Variants in SEPTIN9 observed in about 807,000 individuals in gnomAD.
SEPTIN9 encodes septin-9.
Under a neutral mutation model 56.6 loss-of-function variants are expected in SEPTIN9, and 13 were observed. The observed-to-expected ratio is 0.23, with a 90% CI of 0.15 to 0.37. The LOEUF is 0.37. Among genes scored for constraint, SEPTIN9 ranks in the 10% least tolerant of loss-of-function variants. The probability of loss-of-function intolerance (pLI) is 1.00; values close to 1 mark genes in which losing one functional copy is unlikely to be tolerated. For synonymous variants in SEPTIN9, 332 were observed against 334.1 expected (o/e 0.99, Z 0.07); for missense variants, 650 against 823.1 (o/e 0.79, Z 2.57).
intron 3 of SEPTIN9, among the ~76,000 whole-genome samples, chr17:77,438,363 C>T (rs2037429721): frequency 6.6e-6 from 1 of 152,192 alleles, no homozygotes. Flanking sequence ...CCTTCATCTC[C>T]CTCCAGGACC....
At chr17:77,420,324 T>G (rs1015863220) in intron 3 of SEPTIN9, among the ~76,000 whole-genome samples, 4 of 152,302 alleles carry the variant, frequency 2.6e-5, no homozygotes, top group Non-Finnish European at 4.4e-5. Context: ...GAAGTTTGCC[T>G]CCTCGGAACA....
chr17:77,442,111 C>G (rs1378259691), intron 3 of SEPTIN9: 1 of 152,186 alleles, frequency 6.6e-6, no homozygotes, highest in East Asian at 1.9e-4. Flanking sequence ...GGGCCCGTGA[C>G]TGGTCCGAAG....
At chr17:77,438,120 A>C (rs566718030) in intron 3 of SEPTIN9, among the ~76,000 whole-genome samples, 13 of 152,278 alleles carry the variant, frequency 8.5e-5, no homozygotes, top group Admixed American at 3.3e-4. Context: ...AAAGGAGCTG[A>C]AGGTTTGGAG....
At chr17:77,293,304 C>T (rs2031656870) in intron 1 of SEPTIN9, among the ~76,000 whole-genome samples, 1 of 152,196 alleles carries the variant, frequency 6.6e-6, no homozygotes, top group Admixed American at 6.5e-5. Context: ...CAGGCATGTG[C>T]CATCACGCCT....
Position 77,358,489 on chromosome 17 carries a change from C to T in SEPTIN9, c.77-43570C>T, listed in dbSNP as rs182345770. On this transcript the variant is annotated intron_variant, in intron 2 of 11. Transcript: ENST00000427177. Reference sequence around the variant, plus strand: ...TACAAAAATTAGCCAGACATGGTGGCGTGCACCTGTAGTCCCAGCTACTCA... The same window carrying T: ...TACAAAAATTAGCCAGACATGGTGGTGTGCACCTGTAGTCCCAGCTACTCA... 1.5e-3 allele frequency among the ~76,000 whole-genome samples: 222 copies of T among 152,054 alleles called. 3 individuals carry two copies. The highest frequency in any genetic ancestry group is 1.1e-3 in the Non-Finnish European group (76 of 67,988).
In SEPTIN9 at chr17:77,305,912, G is replaced by T. The variant is rs1340945086; in HGVS notation, c.20-1229G>T. On this transcript the variant is annotated intron_variant, in intron 1 of 11. Coordinates refer to ENST00000427177, the MANE Select transcript of SEPTIN9 (RefSeq NM_001113491.2). ...GAAGGATGAGTGGGTGGGTGGGGGGGTGGGTGGGTGGGTGGATGGATGGAT... is the reference window on the plus strand; with the variant it reads ...GAAGGATGAGTGGGTGGGTGGGGGGTTGGGTGGGTGGGTGGATGGATGGAT... Among the ~76,000 whole-genome samples, 4 of 114,160 alleles carry T rather than the reference G, an allele frequency of 3.5e-5. No individual in the cohort carries two copies. In the East Asian group the frequency reaches 8.2e-4, roughly 23 times the overall value. The allele number at this position is 114,160 out of a possible 152,430, so 74.9% of individuals were successfully genotyped here. A position where few individuals can be genotyped will look rare whatever the true frequency, so the allele number is the denominator to read the frequency against.
chr17:77,498,010 C>T (rs1237885638), intron 11 of SEPTIN9, among the ~76,000 whole-genome samples: 4 of 152,096 alleles, frequency 2.6e-5, no homozygotes, highest in Non-Finnish European at 5.9e-5. Flanking sequence ...CCAGATTATT[C>T]CTCCTGAGCT....
At chr17:77,382,113 C>T (rs1450831709) in intron 2 of SEPTIN9, among the ~76,000 whole-genome samples, 5 of 152,052 alleles carry the variant, frequency 3.3e-5, no homozygotes, top group Admixed American at 6.5e-5. Flanking sequence ...CTGCATCCTC[C>T]GCCTCCTGGG....
At chr17:77,477,392 T>C (rs1396791150) in intron 3 of SEPTIN9, among the ~76,000 whole-genome samples, 1 of 152,228 alleles carries the variant, frequency 6.6e-6, no homozygotes, top group East Asian at 1.9e-4. Flanking sequence ...ACTAGAACCC[T>C]AAAAGATGTG....
chr17:77,448,091 G>A (rs1447747088), intron 3 of SEPTIN9, among the ~76,000 whole-genome samples: 1 of 152,208 alleles, frequency 6.6e-6, no homozygotes, highest in Non-Finnish European at 1.5e-5. Flanking sequence ...TGTAGACATG[G>A]TGCCGAGAAT....
intron 2 of SEPTIN9, among the ~76,000 whole-genome samples, chr17:77,390,363 A>G: frequency 6.7e-6 from 1 of 149,050 alleles, no homozygotes; most frequent in East Asian, 2.0e-4. Flanking sequence ...AAAAAAAAAA[A>G]AAAGGAGTAG....
intron 3 of SEPTIN9, among the ~76,000 whole-genome samples, chr17:77,460,722 G>A (rs1428219999): frequency 6.6e-6 from 1 of 152,184 alleles, no homozygotes; most frequent in Non-Finnish European, 1.5e-5. Context: ...AAGGGATGTG[G>A]GGGCCTGCCA....
chr17:77,458,533 G>T (rs1169875114), intron 3 of SEPTIN9, among the ~76,000 whole-genome samples: 1 of 152,194 alleles, frequency 6.6e-6, no homozygotes, highest in Non-Finnish European at 1.5e-5. Context: ...TCCTCTCCTA[G>T]AGCTATGGTC....
intron 2 of SEPTIN9, among the ~76,000 whole-genome samples, chr17:77,348,831 A>G (rs987689037): frequency 6.6e-6 from 1 of 152,236 alleles, no homozygotes; most frequent in Non-Finnish European, 1.5e-5. Context: ...ACTAGACAAT[A>G]CAATAAGGAA....
At chr17:77,343,308 G>A (rs1344869238) in intron 2 of SEPTIN9, among the ~76,000 whole-genome samples, 1 of 152,148 alleles carries the variant, frequency 6.6e-6, no homozygotes, top group Non-Finnish European at 1.5e-5. Context: ...TCATGCTTAT[G>A]TAGTGAAGCC....
At chr17:77,294,363 TG>T (rs1455054725) in intron 1 of SEPTIN9, 1 of 152,530 alleles carries the variant, frequency 6.6e-6, no homozygotes, top group African/African-American at 2.4e-5. Context: ...GAGGTTGCAG[TG>T]GGCCAAGATC....
intron 2 of SEPTIN9, among the ~76,000 whole-genome samples, chr17:77,351,263 A>G (rs1212084699): frequency 7.0e-6 from 1 of 141,962 alleles, no homozygotes; most frequent in Non-Finnish European, 1.5e-5. Flanking sequence ...ACACACACAC[A>G]CACACACGAG....
intron 2 of SEPTIN9, among the ~76,000 whole-genome samples, chr17:77,350,693 G>T (rs918045905): frequency 6.6e-6 from 1 of 151,708 alleles, no homozygotes; most frequent in African/African-American, 2.4e-5. Flanking sequence ...CAAGTGCAAA[G>T]GTTGGGATTG....
At chr17:77,394,226 C>T (rs2035632434) in intron 2 of SEPTIN9, among the ~76,000 whole-genome samples, 1 of 152,176 alleles carries the variant, frequency 6.6e-6, no homozygotes, top group Non-Finnish European at 1.5e-5. Flanking sequence ...GTGCCAAGGT[C>T]CAGTGTCACA....
Sources: allele counts gnomAD v4.1 joint callset (sites outside exome capture counted in the v4.1 genomes callset), GRCh38; gene constraint gnomAD v4.1.1; transcripts MANE v1.5; gene names NCBI Gene and HGNC (gene_info 2026-07-23, HGNC 2026-07-21).